The following PDCD7 variants were observed in gnomAD, a reference collection of about 807,000 sequenced individuals.
The protein encoded by PDCD7 is programmed cell death 7, also known as programmed cell death protein 7.
Under a neutral mutation model 42.1 loss-of-function variants are expected in PDCD7, and 40 were observed. The ratio of observed to expected loss-of-function variants is 0.95; its 90% CI spans 0.74 to 1.24. The LOEUF (loss-of-function observed/expected upper bound fraction) is 1.24, where lower values mean the gene tolerates loss of function less well. PDCD7 is among the 50% of genes most tolerant of loss of function. The pLI is 0.00. For synonymous variants in PDCD7, 299 were observed against 303.3 expected (o/e 0.99, Z 0.15); for missense variants, 644 against 662.8 (o/e 0.97, Z 0.31).
At chr15:65,119,078 A>G in intron 4 of PDCD7, 3 of 468,094 alleles carry the variant, frequency 6.4e-6, no homozygotes, top group Non-Finnish European at 1.1e-5. Context: ...GTCAATCCTC[A>G]TTATTTACAG....
At chr15:65,126,279 T>C (rs1202868744) in intron 2 of PDCD7, among the ~76,000 whole-genome samples, 1 of 152,194 alleles carries the variant, frequency 6.6e-6, no homozygotes, top group Non-Finnish European at 1.5e-5. Flanking sequence ...ACATTCCCTA[T>C]GATTTTGTCT....
intron 2 of PDCD7, among the ~76,000 whole-genome samples, chr15:65,120,427 C>T (rs899993947): frequency 6.6e-6 from 1 of 152,158 alleles, no homozygotes; most frequent in Non-Finnish European, 1.5e-5. Flanking sequence ...GCTGGGATTA[C>T]AGGCATGAGC....
chr15:65,133,750 C>T lies in PDCD7; in HGVS notation c.32G>A (p.Arg11His). The stretch of plus-strand genomic sequence containing the variant: ...CGGCTGCGGGGGCGGTGGGCCTGGG[C>T]GACCCTGGCCGAAGAATGGTGGCAG... MALPPFFGQG[R>H]PGPPPPQPPP... Residue 11 changes from arginine to histidine, a missense_variant, in exon 1 of 5, where the codon CGC becomes CAC. Transcript: ENST00000204549. 1 of 1,325,158 alleles carries T rather than the reference C, an allele frequency of 7.5e-7. No homozygotes were observed. Among genetic ancestry groups the T allele is most frequent in the South Asian group, 2.3e-5 (1 of 43,400 alleles). 82.1% of individuals were successfully genotyped at this position (1,325,158 alleles called of 1,614,324 possible).
intron 2 of PDCD7, among the ~76,000 whole-genome samples, chr15:65,126,934 T>C (rs2087501114): frequency 6.6e-6 from 1 of 152,172 alleles, no homozygotes; most frequent in Admixed American, 6.6e-5. Flanking sequence ...TCTCAATTCT[T>C]TGACTTGAGA....
intron 1 of PDCD7, among the ~76,000 whole-genome samples, chr15:65,130,797 G>A (rs760510512): frequency 1.3e-5 from 2 of 151,766 alleles, no homozygotes; most frequent in East Asian, 1.9e-4. Flanking sequence ...GAGCCAAGAC[G>A]GCATCACTGC....
At chr15:65,129,224 G>C in intron 1 of PDCD7, 54 bp from the exon 2 acceptor site, 1 of 1,581,218 alleles carries the variant, frequency 6.3e-7, no homozygotes, top group Non-Finnish European at 8.6e-7. Flanking sequence ...ACTTACAGCA[G>C]AGAATAGCTG....
chr15:65,133,056 G>T lies in PDCD7; in HGVS notation c.726C>A (p.Val242=), dbSNP rs914026734. Residue 242 remains valine, a synonymous_variant, in exon 1 of 5, where the codon GTC becomes GTA. Transcript: ENST00000204549. The part of the protein sequence containing the change: ...VGEARRRLER[V]RRRRLRLRER... ...CGCGAAGCCGCAGCCGGCGGCGCCG[G>T]ACCCTCTCCAGCCTCCTCCGCGCCT... is the stretch of plus-strand genomic sequence containing the variant. 3.1e-6 allele frequency: 5 copies of T among 1,587,660 alleles called. No homozygotes were observed. The highest frequency in any genetic ancestry group is 2.6e-6 in the Non-Finnish European group (3 of 1,173,288).
chr15:65,118,611 A>G lies in PDCD7; in HGVS notation c.*106T>C. ...TAACTTCAGGGTAGGGGAATGCCAC[A>G]TGGAATTTAGAAGTTGCAGTTTAGT... is the stretch of plus-strand genomic sequence containing the variant. On this transcript the variant is annotated 3_prime_UTR_variant, in exon 5 of 5. Transcript: ENST00000204549. 8.3e-7 allele frequency: 1 copy of G among 1,205,938 alleles called. No homozygotes were observed. Among genetic ancestry groups the G allele is most frequent in the East Asian group, 2.7e-5 (1 of 37,674 alleles). The allele number at this position is 1,205,938 out of a possible 1,614,324, so 74.7% of individuals were successfully genotyped here.
chr15:65,126,084 TG>T (rs908477539), intron 2 of PDCD7, among the ~76,000 whole-genome samples: 1 of 152,218 alleles, frequency 6.6e-6, no homozygotes, highest in African/African-American at 2.4e-5. Flanking sequence ...GTGGGAATTA[TG>T]GGAGCTACAA....
At chr15:65,118,862 C>A in intron 4 of PDCD7, 22 bp from the exon 5 acceptor site, 1 of 1,517,892 alleles carries the variant, frequency 6.6e-7, no homozygotes, top group Non-Finnish European at 8.8e-7. Context: ...CATTATAGAA[C>A]AACTATTTAT....
chr15:65,132,069 TACATACATATATATAC>T (rs2087543753), intron 1 of PDCD7, among the ~76,000 whole-genome samples: 1 of 147,646 alleles, frequency 6.8e-6, no homozygotes, highest in African/African-American at 2.5e-5. Context: ...CACATACACA[TACATACATATATATAC>T]ACATACATAT....
At chr15:65,128,790 G>A (rs1036980803) in intron 2 of PDCD7, among the ~76,000 whole-genome samples, 16 of 152,260 alleles carry the variant, frequency 1.1e-4, no homozygotes, top group African/African-American at 3.9e-4. Flanking sequence ...ATAAGTCAAG[G>A]GGAAGACAGT....
At chr15:65,132,775 G>C (rs1566973608) in intron 1 of PDCD7, 137 bp downstream of exon 1, 4 of 1,294,820 alleles carry the variant, frequency 3.1e-6, no homozygotes, top group South Asian at 1.4e-5. Context: ...GGTGGTATGA[G>C]CTGGGAAGGT....
chr15:65,129,355 C>T (rs1214578268), intron 1 of PDCD7, among the ~76,000 whole-genome samples, 185 bp from the exon 2 acceptor site: 1 of 152,204 alleles, frequency 6.6e-6, no homozygotes, highest in African/African-American at 2.4e-5. Context: ...TATCCCCCTC[C>T]ACTGATGGTA....
intron 2 of PDCD7, among the ~76,000 whole-genome samples, chr15:65,123,245 T>C (rs564970146): frequency 2.6e-5 from 4 of 152,242 alleles, no homozygotes; most frequent in Non-Finnish European, 5.9e-5. Flanking sequence ...TGGAGTACAG[T>C]GGCGCGATCT....
At position 65,119,394 on chromosome 15, in the gene PDCD7, G is replaced by C. The variant is rs751554243; in HGVS notation, c.1316C>G (p.Pro439Arg). ...QYYLQAEHSL[P>R]ALIQIRHDWD... ...CTCTGACCTGATCTGGATGAGCGCT[G>C]GCAGGGAGTGCTCGGCTTGGAGATA... Residue 439 changes from proline to arginine, a missense_variant, in exon 4 of 5, where the codon CCA (proline) becomes CGA (arginine). Pro to Arg is a moderately radical substitution (Grantham distance 103). Coordinates refer to ENST00000204549, the MANE Select transcript of PDCD7 (RefSeq NM_005707.2). 6.2e-7 allele frequency: 1 copy of C among 1,613,616 alleles called. No individual in the cohort carries two copies. The highest frequency in any genetic ancestry group is 1.1e-5 in the South Asian group (1 of 91,032).
chr15:65,128,427 A>G (rs2087513220), intron 2 of PDCD7, among the ~76,000 whole-genome samples: 2 of 152,220 alleles, frequency 1.3e-5, no homozygotes, highest in African/African-American at 2.4e-5. Flanking sequence ...GGAAAGCACA[A>G]TTGGGTAACT....
At chr15:65,132,629 G>C (rs1042445990) in intron 1 of PDCD7, among the ~76,000 whole-genome samples, 1 of 152,180 alleles carries the variant, frequency 6.6e-6, no homozygotes, top group Non-Finnish European at 1.5e-5. Flanking sequence ...AGAGTAAGTG[G>C]ACAATGTTGG....
rs756245574 is a variant in PDCD7, at chr15:65,119,990, T to TA, written c.1010-37_1010-36insT. 3.8e-6 allele frequency: 6 copies of TA among 1,582,442 alleles called. No homozygotes were observed. In the Admixed American group the frequency reaches 9.6e-5, roughly 25 times the overall value. On this transcript the variant is annotated intron_variant, in intron 2 of 4. Coordinates refer to ENST00000204549, the MANE Select transcript of PDCD7 (RefSeq NM_005707.2). ...AGGACAAAATGGCATTTTATTTATT[T>TA]TTTTTTTTGAGACAAGGCCTCGCTC...
Sources: gnomAD v4.1 joint callset for allele counts (sites outside exome capture counted in the v4.1 genomes callset) on GRCh38, gnomAD v4.1.1 for gene constraint, MANE v1.5 for transcripts, NCBI Gene and HGNC (gene_info 2026-07-23, HGNC 2026-07-21) for gene names.